PRKCI: variants seen among roughly 807,000 people sequenced by gnomAD.
PRKCI encodes the protein protein kinase C iota type.
A neutral mutation model predicts 84.0 loss-of-function variants in PRKCI; 43 were observed. The ratio of observed to expected loss-of-function variants is 0.51; its 90% CI spans 0.40 to 0.66. PRKCI has a LOEUF of 0.66. Among genes scored for constraint, PRKCI ranks in the 30% least tolerant of loss-of-function variants. The pLI is 0.00. For missense variants in PRKCI, 459 were observed against 745.6 expected, an observed-to-expected ratio of 0.62 and a Z score of 4.48; for synonymous variants, 216 against 234.4, an observed-to-expected ratio of 0.92 and a Z score of 0.72.
intron 4 of PRKCI, among the ~76,000 whole-genome samples, chr3:170,265,625 T>TC (rs955632837): frequency 9.2e-5 from 14 of 151,840 alleles, no homozygotes; most frequent in African/African-American, 3.1e-4. Flanking sequence ...TTTTTCTTTT[T>TC]TTTTTTTTTG....
intron 1 of PRKCI, among the ~76,000 whole-genome samples, chr3:170,230,447 C>T (rs185422917): frequency 6.6e-6 from 1 of 152,344 alleles, no homozygotes; most frequent in East Asian, 1.9e-4. Flanking sequence ...TCTCCTGCCT[C>T]AGCCTCCCAA....
intron 8 of PRKCI, among the ~76,000 whole-genome samples, chr3:170,276,390 C>T (rs1734115951): frequency 6.6e-6 from 1 of 152,088 alleles, no homozygotes; most frequent in Non-Finnish European, 1.5e-5. Flanking sequence ...TGTTAGTCAC[C>T]TATTTGATGT....
intron 6 of PRKCI, 28 bp from the exon 7 acceptor site, chr3:170,273,258 G>A (rs1197669536): frequency 6.3e-7 from 1 of 1,596,384 alleles, no homozygotes; most frequent in Admixed American, 1.7e-5. Context: ...ACTCCACTGA[G>A]TTACTGTGTC....
At chr3:170,262,832 C>CTTTTTTT (rs748452040) in intron 3 of PRKCI, among the ~76,000 whole-genome samples, 1 of 133,024 alleles carries the variant, frequency 7.5e-6, no homozygotes, top group Non-Finnish European at 1.6e-5. Flanking sequence ...TTCTTTCTTT[C>CTTTTTTT]TTTTTTTTTT....
chr3:170,258,867 C>T (rs955330583), intron 2 of PRKCI, among the ~76,000 whole-genome samples: 1 of 152,164 alleles, frequency 6.6e-6, no homozygotes, highest in South Asian at 2.1e-4. Context: ...TACATGGAGA[C>T]TTCTAACTAA....
chr3:170,298,651 G>A (rs760203162), intron 16 of PRKCI, among the ~76,000 whole-genome samples: 64 of 151,772 alleles, frequency 4.2e-4, no homozygotes, highest in African/African-American at 1.3e-3. Context: ...GGTGATCTGC[G>A]CACCTTGGCC....
At chr3:170,256,488 T>G (rs891747111) in intron 2 of PRKCI, among the ~76,000 whole-genome samples, 2 of 152,210 alleles carry the variant, frequency 1.3e-5, no homozygotes, top group African/African-American at 4.8e-5. Flanking sequence ...CTAATGATCC[T>G]TTGAGTTTCT....
intron 16 of PRKCI, 111 bp downstream of exon 16, chr3:170,297,504 G>A: frequency 1.2e-6 from 1 of 832,802 alleles, no homozygotes. Context: ...ACCGAGGCTG[G>A]AGTACAATGG....
Position 170,222,645 on chromosome 3 carries a change from A to C in PRKCI, c.-25A>C. The C allele has an allele frequency of 1.3e-6, 2 of 1,544,320 alleles. No homozygotes were observed. The highest frequency in any genetic ancestry group is 2.2e-4 in the Middle Eastern group (1 of 4,566). On this transcript the variant is annotated 5_prime_UTR_variant, in exon 1 of 18. Coordinates refer to ENST00000295797, the MANE Select transcript of PRKCI (RefSeq NM_002740.6). ...GCGCCCCCCCGCACCCCCGGCCTCC[A>C]GCGTTGAGGCGGGGGAGTGAGGAGA...
intron 2 of PRKCI, among the ~76,000 whole-genome samples, chr3:170,247,815 C>T (rs991075493): frequency 2.0e-5 from 3 of 151,348 alleles, no homozygotes; most frequent in Non-Finnish European, 4.4e-5. Context: ...CACTGACTTC[C>T]ACCTCCCAGA....
rs867613682 is a variant in PRKCI, at chr3:170,222,510, C to A, written c.-160C>A. 20 of 586,992 alleles carry A rather than the reference C, an allele frequency of 3.4e-5. No homozygotes were observed. In the Middle Eastern group the frequency reaches 1.5e-3, roughly 43 times the overall value. 36.4% of individuals were successfully genotyped at this position (586,992 alleles called of 1,614,324 possible). A position where few individuals can be genotyped will look rare whatever the true frequency, so the allele number is the denominator to read the frequency against. The stretch of plus-strand genomic sequence containing the variant: ...AGGAGCCGCGCGGTTCCGGCTGCTC[C>A]GGCGAGGCGACCCTTGGGTCGGCGC... On this transcript the variant is annotated 5_prime_UTR_variant, in exon 1 of 18. Coordinates refer to ENST00000295797, the MANE Select transcript of PRKCI (RefSeq NM_002740.6).
intron 2 of PRKCI, among the ~76,000 whole-genome samples, chr3:170,245,367 A>G (rs1185621805): frequency 1.3e-5 from 2 of 152,200 alleles, no homozygotes; most frequent in African/African-American, 4.8e-5. Flanking sequence ...GAATTTAATT[A>G]AATTGTAGGA....
At chr3:170,282,291 C>A (rs1236469823) in intron 11 of PRKCI, among the ~76,000 whole-genome samples, 2 of 152,096 alleles carry the variant, frequency 1.3e-5, no homozygotes, top group African/African-American at 4.8e-5. Flanking sequence ...TAGCATCAGC[C>A]ATTTAAATAA....
intron 7 of PRKCI, among the ~76,000 whole-genome samples, chr3:170,274,154 CAG>C (rs1455891937): frequency 2.0e-5 from 3 of 151,986 alleles, no homozygotes; most frequent in African/African-American, 7.3e-5. Flanking sequence ...TCTTTCGAGA[CAG>C]AGTCTTGCTC....
intron 10 of PRKCI, 174 bp downstream of exon 10, chr3:170,281,437 A>G: frequency 1.7e-6 from 1 of 580,214 alleles, no homozygotes; most frequent in Non-Finnish European, 3.0e-6. Flanking sequence ...TTGATATTAG[A>G]TCAGCATTAG....
chr3:170,296,051 C>A, intron 15 of PRKCI, 61 bp downstream of exon 15: 2 of 959,380 alleles, frequency 2.1e-6, no homozygotes, highest in South Asian at 2.7e-5. Flanking sequence ...TCAAACTGGT[C>A]AGTAGCGGTT....
In PRKCI at chr3:170,222,634, C is replaced by A. The variant is rs759715886; in HGVS notation, c.-36C>A. Reference sequence around the variant, plus strand: ...CGGCGCCCGAAGCGCCCCCCCGCACCCCCGGCCTCCAGCGTTGAGGCGGGG... The same window carrying A: ...CGGCGCCCGAAGCGCCCCCCCGCACACCCGGCCTCCAGCGTTGAGGCGGGG... On this transcript the variant is annotated 5_prime_UTR_variant, in exon 1 of 18. Transcript: ENST00000295797. 2 of 1,518,432 alleles carry A rather than the reference C, an allele frequency of 1.3e-6. No homozygotes were observed. Among genetic ancestry groups the A allele is most frequent in the Admixed American group, 2.0e-5 (1 of 49,424 alleles). 94.1% of individuals were successfully genotyped at this position (1,518,432 alleles called of 1,614,324 possible). A position where few individuals can be genotyped will look rare whatever the true frequency, so the allele number is the denominator to read the frequency against.
At chr3:170,241,660 A>T (rs1733136231) in intron 2 of PRKCI, among the ~76,000 whole-genome samples, 1 of 151,934 alleles carries the variant, frequency 6.6e-6, no homozygotes, top group South Asian at 2.1e-4. Context: ...TGAGAGAGGG[A>T]GAGAGAGAGA....
At chr3:170,254,741 T>C (rs187419351) in intron 2 of PRKCI, among the ~76,000 whole-genome samples, 11 of 152,338 alleles carry the variant, frequency 7.2e-5, no homozygotes, top group African/African-American at 2.4e-4. Flanking sequence ...TAGTATAATT[T>C]AAAGGCATAG....
Sources: gnomAD v4.1 joint callset for allele counts (sites outside exome capture counted in the v4.1 genomes callset) on GRCh38, gnomAD v4.1.1 for gene constraint, MANE v1.5 for transcripts, NCBI Gene and HGNC (gene_info 2026-07-23, HGNC 2026-07-21) for gene names.